CDH4: variants seen among roughly 807,000 people sequenced by gnomAD.
CDH4 encodes the protein cadherin-4.
Under a neutral mutation model 86.0 loss-of-function variants are expected in CDH4, and 33 were observed. The ratio of observed to expected loss-of-function variants is 0.38; its 90% CI spans 0.29 to 0.51. The LOEUF is 0.51. Ranked by LOEUF, CDH4 falls within the 20% of genes least tolerant of loss-of-function variation. The pLI, the probability that CDH4 is intolerant of heterozygous loss-of-function variation, is 0.86. For synonymous variants in CDH4, 555 were observed against 549.4 expected (o/e 1.01, Z -0.14); for missense variants, 1,114 against 1,307.4 (o/e 0.85, Z 2.28).
At chr20:61,581,261 G>C (rs2086426377) in intron 2 of CDH4, among the ~76,000 whole-genome samples, 1 of 152,224 alleles carries the variant, frequency 6.6e-6, no homozygotes, top group Non-Finnish European at 1.5e-5. Flanking sequence ...TGTGGCTGCT[G>C]TTACAGATGA....
rs1354781226 is a variant in CDH4, at chr20:61,353,644, C to T, written c.169+98707C>T. The stretch of plus-strand genomic sequence containing the variant: ...CCTCCTCCTCATCCTCCTCCTCTTC[C>T]CCCTCCTCCTCTTCTTCCTCCTCTT... On this transcript the variant is annotated intron_variant, in intron 2 of 15. Transcript: ENST00000614565. Among the ~76,000 whole-genome samples the T allele has an allele frequency of 2.5e-5, 3 of 119,284 alleles. No homozygotes were observed. In the East Asian group the frequency reaches 1.1e-3, roughly 42 times the overall value. 78.3% of individuals were successfully genotyped at this position (119,284 alleles called of 152,430 possible).
intron 2 of CDH4, among the ~76,000 whole-genome samples, chr20:61,431,551 G>A (rs889733281): frequency 2.0e-5 from 3 of 151,876 alleles, no homozygotes; most frequent in African/African-American, 7.3e-5. Flanking sequence ...GTAGAGACAG[G>A]GTTTCACCAT....
intron 2 of CDH4, chr20:61,719,255 T>C (rs1326304057): frequency 2.6e-6 from 1 of 388,878 alleles, no homozygotes; most frequent in East Asian, 7.3e-5. Context: ...CAAGCCACTG[T>C]TTAGTGTCTG....
At position 61,829,863 on chromosome 20, in the gene CDH4, C is replaced by T. The variant is rs1981511241; in HGVS notation, c.577-14805C>T. Among the ~76,000 whole-genome samples, 1 of 152,108 alleles carries T rather than the reference C, an allele frequency of 6.6e-6. No homozygotes were observed. Among genetic ancestry groups the T allele is most frequent in the Non-Finnish European group, 1.5e-5 (1 of 67,990 alleles). ...CAGGGGCAAAGCTCATTTCCCTCAT[C>T]CCTCCCGCCCCTAGCCTGCTGGGGT... On this transcript the variant is annotated intron_variant, in intron 4 of 15. Coordinates refer to ENST00000614565, the MANE Select transcript of CDH4 (RefSeq NM_001794.5). The surrounding 1 kb of genome is among the most constrained non-coding windows in gnomAD (Gnocchi z 4.2).
At chr20:61,353,093 G>A (rs1263672563) in intron 2 of CDH4, among the ~76,000 whole-genome samples, 1 of 152,154 alleles carries the variant, frequency 6.6e-6, no homozygotes, top group African/African-American at 2.4e-5. Context: ...TCGCCTGCCC[G>A]ACTCTGTCCT....
At chr20:61,405,889 C>T (rs2085079035) in intron 2 of CDH4, among the ~76,000 whole-genome samples, 1 of 152,108 alleles carries the variant, frequency 6.6e-6, no homozygotes, top group Non-Finnish European at 1.5e-5. Flanking sequence ...ACCGTGTTAG[C>T]CAAGATGGTC....
chr20:61,581,997 T>C (rs750664086), intron 2 of CDH4, among the ~76,000 whole-genome samples: 2 of 152,136 alleles, frequency 1.3e-5, no homozygotes, highest in Non-Finnish European at 2.9e-5. Context: ...TGCCCTCAAG[T>C]CTCAGCCATC....
chr20:61,490,757 G>A (rs1440835011), intron 2 of CDH4, among the ~76,000 whole-genome samples: 1 of 152,108 alleles, frequency 6.6e-6, no homozygotes, highest in South Asian at 2.1e-4. Context: ...GTGACGGGGG[G>A]CACTCCTGGA....
At chr20:61,363,448 C>T (rs1568814753) in intron 2 of CDH4, among the ~76,000 whole-genome samples, 1 of 152,002 alleles carries the variant, frequency 6.6e-6, no homozygotes, top group South Asian at 2.1e-4. Flanking sequence ...CACACACAAA[C>T]ACACACACAC....
chr20:61,846,227 G>T (rs1329717189), intron 5 of CDH4, among the ~76,000 whole-genome samples: 1 of 152,240 alleles, frequency 6.6e-6, no homozygotes, highest in East Asian at 1.9e-4. Flanking sequence ...GAAGGCTCAC[G>T]CCTTGGCTGG....
chr20:61,705,869 C>G (rs1004609630), intron 2 of CDH4, among the ~76,000 whole-genome samples: 3 of 152,256 alleles, frequency 2.0e-5, no homozygotes, highest in Non-Finnish European at 4.4e-5. Context: ...AATTACATCA[C>G]TAGCAGACAA....
At chr20:61,404,989 G>A (rs957615229) in intron 2 of CDH4, among the ~76,000 whole-genome samples, 1 of 152,210 alleles carries the variant, frequency 6.6e-6, no homozygotes, top group Non-Finnish European at 1.5e-5. Flanking sequence ...GGCGGAGGTT[G>A]CAGTGAGCTG....
At chr20:61,743,449 C>T (rs2088368538) in intron 2 of CDH4, 114 bp from the exon 3 acceptor site, 2 of 752,824 alleles carry the variant, frequency 2.7e-6, no homozygotes, top group Non-Finnish European at 4.6e-6. Context: ...CAGTGCAAAC[C>T]TCATGCCCCT....
intron 13 of CDH4, among the ~76,000 whole-genome samples, chr20:61,930,438 T>C (rs1293586903): frequency 6.6e-6 from 1 of 151,824 alleles, no homozygotes; most frequent in African/African-American, 2.4e-5. Flanking sequence ...ACCCCAGAGG[T>C]CCCTCTTCCC....
At chr20:61,515,808 A>G (rs2085814491) in intron 2 of CDH4, among the ~76,000 whole-genome samples, 1 of 152,050 alleles carries the variant, frequency 6.6e-6, no homozygotes, top group African/African-American at 2.4e-5. Flanking sequence ...TCTTGTCGGA[A>G]ATCTACTCTC....
intron 2 of CDH4, among the ~76,000 whole-genome samples, chr20:61,651,131 AC>A (rs1198459583): frequency 2.0e-5 from 3 of 150,944 alleles, no homozygotes; most frequent in Admixed American, 2.0e-4. Context: ...TTGGCCGTGC[AC>A]TGGTGTGCTC....
chr20:61,797,969 T>C (rs1979623853), intron 4 of CDH4, among the ~76,000 whole-genome samples: 1 of 152,172 alleles, frequency 6.6e-6, no homozygotes, highest in Non-Finnish European at 1.5e-5. Context: ...GGGACAGTGC[T>C]TGCTCATCCT....
intron 2 of CDH4, among the ~76,000 whole-genome samples, chr20:61,386,659 A>G (rs6121682): frequency 0.25 from 37,481 of 152,116 alleles, 5,008 homozygotes; most frequent in African/African-American, 0.34. Context: ...GAAATGTGTT[A>G]TGTTCCCCTG....
At chr20:61,557,281 C>A (rs1241448455) in intron 2 of CDH4, among the ~76,000 whole-genome samples, 1 of 152,206 alleles carries the variant, frequency 6.6e-6, no homozygotes, top group Non-Finnish European at 1.5e-5. Context: ...ACAAAAGCAG[C>A]TGTTGGCAAC....
Sources: gnomAD v4.1 joint callset for allele counts (sites outside exome capture counted in the v4.1 genomes callset) on GRCh38, gnomAD v4.1.1 for gene constraint, Gnocchi (gnomAD v3.1) non-coding constraint, MANE v1.5 for transcripts, NCBI Gene and HGNC (gene_info 2026-07-23, HGNC 2026-07-21) for gene names.